The following LYRM4 variants were observed in gnomAD, a reference collection of about 807,000 sequenced individuals.
The protein encoded by LYRM4 is LYR motif-containing protein 4.
In LYRM4, 9 loss-of-function variants were observed where a neutral mutation model predicts 11.7. That is an observed-to-expected ratio of 0.77 (90% confidence interval 0.46 to 1.34). The LOEUF is 1.34. LYRM4 is among the 40% of genes most tolerant of loss of function. The pLI is 0.00. For synonymous variants in LYRM4, 42 were observed against 40.4 expected, an observed-to-expected ratio of 1.04 and a Z score of -0.15; for missense variants, 133 against 112.5, an observed-to-expected ratio of 1.18 and a Z score of -0.82.
intron 2 of LYRM4, among the ~76,000 whole-genome samples, chr6:5,171,300 T>C (rs1759413256): frequency 6.6e-6 from 1 of 152,180 alleles, no homozygotes; most frequent in Non-Finnish European, 1.5e-5. Flanking sequence ...GCTCCTACCC[T>C]AACTCTCCTT....
At chr6:5,177,751 G>A (rs10458086) in intron 2 of LYRM4, among the ~76,000 whole-genome samples, 72,119 of 151,966 alleles carry the variant, frequency 0.47, 17,287 homozygotes, top group East Asian at 0.6. Context: ...TGAGGGGCTC[G>A]AGGACAAGTT....
chr6:5,154,906 G>T (rs932565706), intron 2 of LYRM4, among the ~76,000 whole-genome samples: 1 of 152,146 alleles, frequency 6.6e-6, no homozygotes, highest in African/African-American at 2.4e-5. Context: ...GTGTCAGAGG[G>T]GGGCATCAGG....
chr6:5,226,650 T>TA (rs1289301592), intron 1 of LYRM4, among the ~76,000 whole-genome samples: 3 of 152,178 alleles, frequency 2.0e-5, no homozygotes, highest in African/African-American at 7.2e-5. Flanking sequence ...TTGCTGGAAT[T>TA]AGAGGCGTGA....
At chr6:5,251,110 T>C (rs1384952016) in intron 1 of LYRM4, among the ~76,000 whole-genome samples, 1 of 152,196 alleles carries the variant, frequency 6.6e-6, no homozygotes, top group Non-Finnish European at 1.5e-5. Flanking sequence ...ACTACAATCT[T>C]GTGACAGCAG....
At chr6:5,122,874 C>T (rs770734575) in intron 2 of LYRM4, among the ~76,000 whole-genome samples, 46 of 152,234 alleles carry the variant, frequency 3.0e-4, no homozygotes, top group Non-Finnish European at 5.9e-4. Flanking sequence ...CACGCACAGA[C>T]CCAACTGTCT....
At chr6:5,128,504 C>T (rs761876550) in intron 2 of LYRM4, among the ~76,000 whole-genome samples, 9 of 152,196 alleles carry the variant, frequency 5.9e-5, no homozygotes, top group Admixed American at 4.6e-4. Context: ...GCCTGGCTGA[C>T]AGATGGCAGA....
At chr6:5,258,372 C>G (rs1049311868) in intron 1 of LYRM4, among the ~76,000 whole-genome samples, 3 of 152,238 alleles carry the variant, frequency 2.0e-5, no homozygotes, top group Non-Finnish European at 4.4e-5. Context: ...GTAACTTAAG[C>G]TCCCTGTGCC....
At position 5,111,111 on chromosome 6, in the gene LYRM4, C is replaced by T. The variant is rs540253370; in HGVS notation, c.208-1620G>A. Among the ~76,000 whole-genome samples, 8 of 152,240 alleles carry T rather than the reference C, an allele frequency of 5.3e-5. No individual in the cohort carries two copies. In the East Asian group the frequency reaches 1.3e-3, roughly 26 times the overall value. ...GGGAGGATTGGCATTGTCCTCCACCCTGAATAGTACATGGTTTTGTTTTCA... is the reference window on the plus strand; with the variant it reads ...GGGAGGATTGGCATTGTCCTCCACCTTGAATAGTACATGGTTTTGTTTTCA... On this transcript the variant is annotated intron_variant, in intron 2 of 2. Transcript: ENST00000330636.
intron 2 of LYRM4, among the ~76,000 whole-genome samples, chr6:5,161,458 A>G (rs1758751749): frequency 6.6e-6 from 1 of 152,248 alleles, no homozygotes; most frequent in African/African-American, 2.4e-5. Context: ...AGATGAGTAC[A>G]GCCTTACTGG....
chr6:5,032,543 C>T, the LYRM4 span: 9 of 152,296 alleles, frequency 5.9e-5, no homozygotes, highest in African/African-American at 2.2e-4. Flanking sequence ...TATCTTAGTA[C>T]ATGGCAAAGA....
intron 2 of LYRM4, among the ~76,000 whole-genome samples, chr6:5,166,665 A>G (rs141423016): frequency 3.6e-4 from 55 of 152,358 alleles, no homozygotes; most frequent in African/African-American, 1.2e-3. Flanking sequence ...CAGATGAAAC[A>G]AATTATTGGT....
chr6:5,210,185 T>C (rs1761918824), intron 2 of LYRM4, among the ~76,000 whole-genome samples: 2 of 152,300 alleles, frequency 1.3e-5, no homozygotes, highest in African/African-American at 2.4e-5. Flanking sequence ...TGGTGAAAAA[T>C]GGCCAAGGAA....
intron 2 of LYRM4, among the ~76,000 whole-genome samples, chr6:5,138,050 A>C (rs1757189870): frequency 1.3e-5 from 2 of 152,204 alleles, no homozygotes; most frequent in Non-Finnish European, 2.9e-5. Context: ...TTGCAAAGAA[A>C]AATACAATGG....
At chr6:5,071,052 G>C in the LYRM4 span, among the ~76,000 whole-genome samples, 1 of 151,834 alleles carries the variant, frequency 6.6e-6, no homozygotes, top group Non-Finnish European at 1.5e-5. Flanking sequence ...CCTGGGCGTG[G>C]TAGCGGGCGC....
At chr6:5,116,516 C>T (rs553057253) in intron 2 of LYRM4, among the ~76,000 whole-genome samples, 15 of 152,300 alleles carry the variant, frequency 9.8e-5, no homozygotes, top group Admixed American at 3.3e-4. Flanking sequence ...GGATTGCTGC[C>T]GTGGTGCTAA....
chr6:5,129,184 T>A (rs1221016471), intron 2 of LYRM4, among the ~76,000 whole-genome samples: 1 of 152,194 alleles, frequency 6.6e-6, no homozygotes, highest in African/African-American at 2.4e-5. Flanking sequence ...TGGGAAATAG[T>A]GGCATTGGGC....
intron 2 of LYRM4, among the ~76,000 whole-genome samples, chr6:5,204,820 C>G (rs989900884): frequency 1.3e-5 from 2 of 152,228 alleles, no homozygotes; most frequent in African/African-American, 4.8e-5. Context: ...TTGCTTTACA[C>G]TGATCAGCAG....
At chr6:5,113,377 C>A in intron 2 of LYRM4, 1 of 436,332 alleles carries the variant, frequency 2.3e-6, no homozygotes, top group Non-Finnish European at 4.6e-6. Flanking sequence ...GAGATCACGC[C>A]ACTGCACTCC....
chr6:5,093,801 T>C, the LYRM4 span, among the ~76,000 whole-genome samples: 1 of 152,212 alleles, frequency 6.6e-6, no homozygotes, highest in East Asian at 1.9e-4. Flanking sequence ...GTGCAATGGC[T>C]TCCTTGTGAG....
Sources: allele counts gnomAD v4.1 joint callset (sites outside exome capture counted in the v4.1 genomes callset), GRCh38; gene constraint gnomAD v4.1.1; transcripts MANE v1.5; gene names NCBI Gene and HGNC (gene_info 2026-07-23, HGNC 2026-07-21).